The following ATXN3 variants were observed in gnomAD, a reference collection of about 807,000 sequenced individuals.
The protein encoded by ATXN3 is ataxin-3.
ATXN3 carries 28 observed loss-of-function variants against 58.2 expected under a neutral mutation model. The ratio of observed to expected loss-of-function variants is 0.48; its 90% CI spans 0.36 to 0.66. The LOEUF (loss-of-function observed/expected upper bound fraction) is 0.66, where lower values mean the gene tolerates loss of function less well. Ranked by LOEUF, ATXN3 falls within the 30% of genes least tolerant of loss-of-function variation. The pLI is 0.00. For missense variants in ATXN3, 321 were observed against 422.1 expected (o/e 0.76, Z 2.10); for synonymous variants, 113 against 138.5 (o/e 0.82, Z 1.29).
upstream of ATXN3, among the ~76,000 whole-genome samples, chr14:92,051,028 G>A (rs1479402006): frequency 4.6e-5 from 7 of 152,190 alleles, no homozygotes; most frequent in Admixed American, 4.6e-4. Flanking sequence ...GAATTTCTAA[G>A]CATTAGGCTT....
rs548763388 is a variant in ATXN3, at chr14:92,082,366, G to T, written c.709C>A (p.Arg237Ser). The T allele has an allele frequency of 6.2e-6, 10 of 1,614,036 alleles. No individual in the cohort carries two copies. The African/African-American group carries it at 8.0e-5, about 13-fold the overall frequency. Residue 237 changes from arginine to serine, a missense_variant, in exon 8 of 11, where the codon CGC becomes AGC. Physicochemically the swap from Arg to Ser is moderately radical, Grantham distance 110. This residue lies in a region of ATXN3 where 200 missense variants were observed against 223.2 expected (regional missense o/e 0.90). Coordinates refer to ENST00000644486, the MANE Select transcript of ATXN3 (RefSeq NM_004993.6). ...TCATCTTCCATGTCAATTTCTTGGC[G>T]ACTTAGTGCCAGAGCCCTCTGCAAA... ...EDLQRALALS[R>S]QEIDMEDEEA...
intron 1 of ATXN3, among the ~76,000 whole-genome samples, chr14:92,105,230 T>C (rs879330622): frequency 1.3e-5 from 2 of 152,176 alleles, no homozygotes; most frequent in Non-Finnish European, 2.9e-5. Flanking sequence ...GAGACCAGCC[T>C]GGGCAACACA....
chr14:92,064,607 C>T (rs2058051858), intron 10 of ATXN3, among the ~76,000 whole-genome samples, 193 bp from the exon 11 acceptor site: 1 of 152,072 alleles, frequency 6.6e-6, no homozygotes, highest in African/African-American at 2.4e-5. Context: ...ACAACCATTC[C>T]ATTGCCCCAG....
intron 1 of ATXN3, among the ~76,000 whole-genome samples, chr14:92,097,139 G>A (rs1203308756): frequency 1.3e-5 from 2 of 151,952 alleles, no homozygotes; most frequent in African/African-American, 4.8e-5. Flanking sequence ...TTGATCTCCT[G>A]ACCTCGTGAT....
At chr14:92,103,040 G>T (rs1596043963) in intron 1 of ATXN3, among the ~76,000 whole-genome samples, 1 of 150,280 alleles carries the variant, frequency 6.7e-6, no homozygotes, top group East Asian at 2.0e-4. Context: ...ATTATTACCA[G>T]TTTGCATTAC....
chr14:92,088,860 G>A (rs1312849512), intron 5 of ATXN3, 43 bp from the exon 6 acceptor site: 1 of 1,128,166 alleles, frequency 8.9e-7, no homozygotes, highest in South Asian at 1.3e-5. Flanking sequence ...TATATTATAG[G>A]TAATAAGGAA....
At chr14:92,094,240 G>A (rs1426654721) in intron 3 of ATXN3, among the ~76,000 whole-genome samples, 1 of 151,868 alleles carries the variant, frequency 6.6e-6, no homozygotes, top group African/African-American at 2.4e-5. Context: ...ACGCCCAGCC[G>A]GCTATAGGTT....
chr14:92,080,776 T>C (rs1353358383), intron 9 of ATXN3, 189 bp downstream of exon 9: 1 of 573,780 alleles, frequency 1.7e-6, no homozygotes, highest in South Asian at 1.5e-5. Flanking sequence ...CCTCAGGCAA[T>C]CTGCCCGCCT....
At chr14:92,053,105 C>A (rs1436487195), upstream of ATXN3, among the ~76,000 whole-genome samples, 1 of 152,042 alleles carries the variant, frequency 6.6e-6, no homozygotes, top group Non-Finnish European at 1.5e-5. Flanking sequence ...TACAAAAAAG[C>A]TGGGCATGGT....
At chr14:92,096,337 A>G in intron 2 of ATXN3, 200 bp from the exon 3 acceptor site, 2 of 1,446,244 alleles carry the variant, frequency 1.4e-6, no homozygotes, top group Non-Finnish European at 1.8e-6. Flanking sequence ...TTTTAAAAGA[A>G]ATGTAAGCCG....
At chr14:92,081,977 G>A (rs1387547058) in intron 8 of ATXN3, among the ~76,000 whole-genome samples, 1 of 152,130 alleles carries the variant, frequency 6.6e-6, no homozygotes, top group African/African-American at 2.4e-5. Context: ...AGTGTCTAAT[G>A]GCACATATTT....
At chr14:92,072,960 G>A (rs960348086) in intron 9 of ATXN3, among the ~76,000 whole-genome samples, 8 of 152,208 alleles carry the variant, frequency 5.3e-5, no homozygotes, top group African/African-American at 1.9e-4. Context: ...GTGTGTAGGT[G>A]TAAGACCTTA....
Position 92,060,192 on chromosome 14 carries a change from C to T in ATXN3, c.*4128G>A, listed in dbSNP as rs1262479530. 6 of 150,210 alleles carry T rather than the reference C, an allele frequency of 4.0e-5. No homozygotes were observed. The highest frequency in any genetic ancestry group is 2.0e-4 in the East Asian group (1 of 5,102). 9.3% of individuals were successfully genotyped at this position (150,210 alleles called of 1,614,324 possible). On this transcript the variant is annotated 3_prime_UTR_variant, in exon 11 of 11. Coordinates refer to ENST00000644486, the MANE Select transcript of ATXN3 (RefSeq NM_004993.6). ...GATTACAGGCGTGAGCCACTGCCCC[C>T]GACTGGGATAAAGTTTTTAATAGGA...
In ATXN3 at chr14:92,082,485, G is replaced by C. The variant is rs1367705407; in HGVS notation, c.609-19C>G. On this transcript the variant is annotated intron_variant, in intron 7 of 10. Transcript: ENST00000644486. ...ATGGACTCTAAAGAACAAAAGCACT[G>C]GTAATAACTGCAACCAATCTTCTAT... The C allele has an allele frequency of 6.3e-7, 1 of 1,587,958 alleles. No individual in the cohort carries two copies. Among genetic ancestry groups the C allele is most frequent in the Non-Finnish European group, 8.6e-7 (1 of 1,163,422 alleles).
intron 1 of ATXN3, among the ~76,000 whole-genome samples, chr14:92,098,034 T>A (rs188332533): frequency 3.8e-4 from 58 of 152,318 alleles, no homozygotes; most frequent in African/African-American, 1.4e-3. Flanking sequence ...AACTACTGTA[T>A]AAAACATTTA....
chr14:92,095,432 C>T (rs895660141), intron 3 of ATXN3, among the ~76,000 whole-genome samples: 8 of 151,790 alleles, frequency 5.3e-5, no homozygotes, highest in Admixed American at 2.0e-4. Context: ...TTAGTAGAGA[C>T]GGGGTTTCAC....
At chr14:92,081,500 A>G (rs550851689) in intron 8 of ATXN3, among the ~76,000 whole-genome samples, 9 of 151,530 alleles carry the variant, frequency 5.9e-5, no homozygotes, top group Admixed American at 3.3e-4. Flanking sequence ...AGAAAAAAAA[A>G]AAAGAAAGAA....
intron 2 of ATXN3, 189 bp from the exon 3 acceptor site, chr14:92,096,326 T>G: frequency 6.9e-7 from 1 of 1,457,436 alleles, no homozygotes. Context: ...GGTATCCACA[T>G]TTTTAAAAGA....
intron 9 of ATXN3, chr14:92,080,476 G>A (rs543786776): frequency 1.1e-4 from 17 of 152,898 alleles, no homozygotes; most frequent in African/African-American, 3.9e-4. Flanking sequence ...ATCCAGTATT[G>A]GGGCAAGGTT....
Sources: gnomAD v4.1 joint callset for allele counts (sites outside exome capture counted in the v4.1 genomes callset) on GRCh38, gnomAD v4.1.1 for gene constraint, gnomAD v4.1.1 regional missense constraint, MANE v1.5 for transcripts, NCBI Gene and HGNC (gene_info 2026-07-23, HGNC 2026-07-21) for gene names.